The following SLC5A4 variants were observed in gnomAD, a reference collection of about 807,000 sequenced individuals.
The protein encoded by SLC5A4 is probable glucose sensor protein SLC5A4.
Under a neutral mutation model 70.3 loss-of-function variants are expected in SLC5A4, and 55 were observed. The ratio of observed to expected loss-of-function variants is 0.78; its 90% CI spans 0.63 to 0.98. The LOEUF (loss-of-function observed/expected upper bound fraction) is 0.98. Ranked by LOEUF, SLC5A4 falls within the 50% of genes least tolerant of loss-of-function variation. SLC5A4 has a pLI of 0.00. For missense variants in SLC5A4, 735 were observed against 839.2 expected (o/e 0.88, Z 1.53); for synonymous variants, 268 against 305.7 (o/e 0.88, Z 1.29).
At chr22:32,243,925 G>A (rs1339007099) in intron 5 of SLC5A4, among the ~76,000 whole-genome samples, 3 of 152,168 alleles carry the variant, frequency 2.0e-5, no homozygotes, top group Admixed American at 6.5e-5. Context: ...GGAGGCAGAG[G>A]TTGCAGTGAG....
intron 13 of SLC5A4, among the ~76,000 whole-genome samples, chr22:32,223,452 A>G (rs563454452): frequency 1.1e-4 from 17 of 152,346 alleles, no homozygotes; most frequent in African/African-American, 4.1e-4. Flanking sequence ...TCAACCACTA[A>G]CATTAAATAT....
At chr22:32,275,837 T>C in the SLC5A4 span, among the ~76,000 whole-genome samples, 1 of 152,188 alleles carries the variant, frequency 6.6e-6, no homozygotes, top group South Asian at 2.1e-4. Context: ...CCACCAACAG[T>C]GTAAAAGTGT....
At chr22:32,316,932 C>CTGTG in the SLC5A4 span, among the ~76,000 whole-genome samples, 183 of 67,436 alleles carry the variant, frequency 2.7e-3, no homozygotes, top group African/African-American at 0.013. Context: ...TAATTAACAA[C>CTGTG]TCTGTGTGTG....
At chr22:32,249,373 G>A (rs1001994371) in intron 3 of SLC5A4, among the ~76,000 whole-genome samples, 1 of 152,110 alleles carries the variant, frequency 6.6e-6, no homozygotes, top group African/African-American at 2.4e-5. Context: ...ACAGTGACAG[G>A]GGGAGCAGCT....
the SLC5A4 span, among the ~76,000 whole-genome samples, chr22:32,276,333 G>A: frequency 1.3e-5 from 2 of 152,138 alleles, no homozygotes; most frequent in East Asian, 1.9e-4. Flanking sequence ...AGAACATAAC[G>A]AAAACTTACT....
At chr22:32,266,271 G>A in the SLC5A4 span, among the ~76,000 whole-genome samples, 1 of 152,064 alleles carries the variant, frequency 6.6e-6, no homozygotes. Context: ...CGTGTCTTTT[G>A]GTGGGCGTTT....
chr22:32,336,264 T>A, the SLC5A4 span, among the ~76,000 whole-genome samples: 2 of 152,188 alleles, frequency 1.3e-5, no homozygotes, highest in Admixed American at 1.3e-4. Flanking sequence ...TAAGTGGAAT[T>A]CCTGTCAAAT....
the SLC5A4 span, among the ~76,000 whole-genome samples, chr22:32,281,713 C>T: frequency 3.3e-5 from 5 of 152,066 alleles, no homozygotes; most frequent in Non-Finnish European, 5.9e-5. Flanking sequence ...TTGTCTTAAA[C>T]TCCTGGTCTC....
At chr22:32,354,897 G>C in the SLC5A4 span, 1 of 152,432 alleles carries the variant, frequency 6.6e-6, no homozygotes, top group African/African-American at 2.4e-5. Context: ...GCAGCAGCGA[G>C]GTGAGCCACG....
rs1482697976 is a variant in SLC5A4, at chr22:32,248,738, C to T, written c.372+5G>A. The T allele has an allele frequency of 1.9e-6, 3 of 1,606,810 alleles. No individual in the cohort carries two copies. The highest frequency in any genetic ancestry group is 2.6e-6 in the Non-Finnish European group (3 of 1,173,570). ...AACTCTGGCATTTTGGTAACAGATA[C>T]TCACCCCCGACTTGATGTAGATAGG... On this transcript the variant is annotated splice_donor_5th_base_variant and intron_variant, in intron 4 of 14. Transcript: ENST00000266086.
the SLC5A4 span, chr22:32,271,563 G>A: frequency 1.4e-6 from 1 of 704,472 alleles, no homozygotes. Context: ...AGAGGAGAGG[G>A]TCGGGCCCGG....
At chr22:32,337,658 G>T in the SLC5A4 span, among the ~76,000 whole-genome samples, 1 of 152,210 alleles carries the variant, frequency 6.6e-6, no homozygotes, top group Non-Finnish European at 1.5e-5. Flanking sequence ...TTATGCACAG[G>T]GGCAAGCTGG....
the SLC5A4 span, among the ~76,000 whole-genome samples, chr22:32,338,348 C>T: frequency 6.6e-6 from 1 of 152,098 alleles, no homozygotes; most frequent in Non-Finnish European, 1.5e-5. Context: ...TCTCAAAAAC[C>T]ATCAAAGAAA....
At chr22:32,305,129 G>C in the SLC5A4 span, among the ~76,000 whole-genome samples, 1 of 151,998 alleles carries the variant, frequency 6.6e-6, no homozygotes, top group Non-Finnish European at 1.5e-5. Context: ...TTCAACTCAT[G>C]TACCGAGACC....
the SLC5A4 span, among the ~76,000 whole-genome samples, chr22:32,308,189 G>A: frequency 1.3e-5 from 2 of 152,064 alleles, no homozygotes; most frequent in Admixed American, 6.6e-5. Context: ...TCAAACATGG[G>A]GGAAATCTGT....
the SLC5A4 span, among the ~76,000 whole-genome samples, chr22:32,319,154 T>C: frequency 6.6e-6 from 1 of 152,214 alleles, no homozygotes; most frequent in African/African-American, 2.4e-5. Context: ...ATTCACACCA[T>C]TGGCTCTCCT....
At chr22:32,349,393 C>A in the SLC5A4 span, among the ~76,000 whole-genome samples, 1 of 152,222 alleles carries the variant, frequency 6.6e-6, no homozygotes, top group African/African-American at 2.4e-5. Flanking sequence ...AAAGTCAACT[C>A]TTTCTAGCAT....
chr22:32,324,239 ATG>A, the SLC5A4 span, among the ~76,000 whole-genome samples: 1 of 148,108 alleles, frequency 6.8e-6, no homozygotes, highest in African/African-American at 2.6e-5. Context: ...GTGTATACAT[ATG>A]TATGTGTATA....
At chr22:32,304,006 A>G in the SLC5A4 span, among the ~76,000 whole-genome samples, 1 of 152,206 alleles carries the variant, frequency 6.6e-6, no homozygotes, top group Admixed American at 6.5e-5. Context: ...TAGGTGTGTC[A>G]TGGTATCTCA....
Sources: gnomAD v4.1 joint callset for allele counts (sites outside exome capture counted in the v4.1 genomes callset) on GRCh38, gnomAD v4.1.1 for gene constraint, MANE v1.5 for transcripts, NCBI Gene and HGNC (gene_info 2026-07-23, HGNC 2026-07-21) for gene names.